Variants in NAALADL2 observed in about 807,000 individuals in gnomAD.
NAALADL2 encodes inactive N-acetylated-alpha-linked acidic dipeptidase-like protein 2.
NAALADL2 carries 76 observed loss-of-function variants against 87.2 expected under a neutral mutation model. That is an observed-to-expected ratio of 0.87 (90% CI 0.72 to 1.05). NAALADL2 has a LOEUF of 1.05. Among genes scored for constraint, NAALADL2 ranks in the 50% least tolerant of loss-of-function variants. The pLI, the probability that NAALADL2 is intolerant of heterozygous loss-of-function variation, is 0.00. For missense variants in NAALADL2, 1,089 were observed against 945.8 expected, an observed-to-expected ratio of 1.15 and a Z score of -1.99; for synonymous variants, 354 against 331.0, an observed-to-expected ratio of 1.07 and a Z score of -0.75.
At chr3:175,407,170 C>T (rs1036426638) in intron 5 of NAALADL2, among the ~76,000 whole-genome samples, 2 of 152,066 alleles carry the variant, frequency 1.3e-5, no homozygotes, top group African/African-American at 2.4e-5. Flanking sequence ...GGAGACAGAA[C>T]GAGACTCCAT....
intron 1 of NAALADL2, among the ~76,000 whole-genome samples, chr3:174,516,445 G>C (rs907078947): frequency 6.6e-6 from 1 of 151,950 alleles, no homozygotes; most frequent in Non-Finnish European, 1.5e-5. Context: ...TCTATTTGTA[G>C]ACGTTCCACT....
chr3:175,742,654 C>T (rs922098018), intron 12 of NAALADL2, among the ~76,000 whole-genome samples: 3 of 152,168 alleles, frequency 2.0e-5, no homozygotes, highest in Admixed American at 6.5e-5. Flanking sequence ...GCCTTGGCCT[C>T]CCAAAGTACT....
In NAALADL2 at chr3:175,276,756, T is replaced by G. The variant is rs114375632; in HGVS notation, c.939+20226T>G. On this transcript the variant is annotated intron_variant, in intron 4 of 13. Transcript: ENST00000454872. The stretch of plus-strand genomic sequence containing the variant: ...GTACATAGAAATAGAATGGTAAATA[T>G]ATACATTCTTATTTATTTTTTAAAT... 7.2e-3 allele frequency among the ~76,000 whole-genome samples: 1,098 copies of G among 152,310 alleles called. 11 individuals carry two copies. Among genetic ancestry groups the G allele is most frequent in the African/African-American group, 0.025 (1,053 of 41,572 alleles).
chr3:175,377,543 C>T lies in NAALADL2; in HGVS notation c.1090+53218C>T, dbSNP rs546714940. ...ATTCCTTTAATGTTATTGATGGGGA[C>T]GGGGGCAGAGAAATTCTAGGCAGAC... On this transcript the variant is annotated intron_variant, in intron 5 of 13. Coordinates refer to ENST00000454872, the MANE Select transcript of NAALADL2 (RefSeq NM_207015.3). Among the ~76,000 whole-genome samples, 17 of 152,198 alleles carry T rather than the reference C, an allele frequency of 1.1e-4. No individual in the cohort carries two copies. The South Asian group carries it at 1.2e-3, about 11-fold the overall frequency.
intron 2 of NAALADL2, among the ~76,000 whole-genome samples, chr3:174,714,013 A>C (rs1391951591): frequency 3.3e-5 from 5 of 151,998 alleles, no homozygotes; most frequent in African/African-American, 1.2e-4. Flanking sequence ...TCAGCTTTCT[A>C]CATATGGCTA....
At chr3:174,902,694 A>T (rs1490608567) in intron 1 of NAALADL2, among the ~76,000 whole-genome samples, 1 of 152,176 alleles carries the variant, frequency 6.6e-6, no homozygotes. Context: ...GTTACTGAAT[A>T]ATAACAAGTT....
At chr3:175,323,483 TATA>T (rs1205492520) in intron 4 of NAALADL2, among the ~76,000 whole-genome samples, 1 of 151,686 alleles carries the variant, frequency 6.6e-6, no homozygotes, top group Non-Finnish European at 1.5e-5. Context: ...AATCTTAAAG[TATA>T]ATAATAATAA....
chr3:174,891,796 C>T (rs1038160239), intron 1 of NAALADL2, among the ~76,000 whole-genome samples: 1 of 152,126 alleles, frequency 6.6e-6, no homozygotes, highest in Non-Finnish European at 1.5e-5. Context: ...CGGGGAAATA[C>T]ATGACATACT....
intron 2 of NAALADL2, among the ~76,000 whole-genome samples, chr3:175,107,761 A>AT (rs369404243): frequency 0.13 from 20,148 of 151,296 alleles, 1,410 homozygotes; most frequent in Middle Eastern, 0.2. Flanking sequence ...AAAATTTCAG[A>AT]TTTTTTTTAA....
chr3:174,824,578 A>G (rs987771108), intron 3 of NAALADL2, among the ~76,000 whole-genome samples: 2 of 152,216 alleles, frequency 1.3e-5, no homozygotes, highest in African/African-American at 2.4e-5. Context: ...ATGCATCCAC[A>G]TAAGTGATTT....
chr3:175,342,246 A>C (rs989216458), intron 5 of NAALADL2, among the ~76,000 whole-genome samples: 4 of 152,104 alleles, frequency 2.6e-5, no homozygotes, highest in African/African-American at 9.7e-5. Flanking sequence ...TATACATGTG[A>C]TAGGTTTCAG....
chr3:175,331,666 A>G (rs1761414985), intron 5 of NAALADL2, among the ~76,000 whole-genome samples: 1 of 152,202 alleles, frequency 6.6e-6, no homozygotes, highest in Non-Finnish European at 1.5e-5. Context: ...CTAAATGGGG[A>G]AAAGCCTTTC....
intron 3 of NAALADL2, among the ~76,000 whole-genome samples, chr3:174,738,255 G>A (rs968301275): frequency 1.3e-5 from 2 of 152,028 alleles, no homozygotes; most frequent in African/African-American, 4.8e-5. Flanking sequence ...CATACATTAT[G>A]GCTTAATACG....
At chr3:175,783,966 G>A (rs1560009076) in intron 13 of NAALADL2, among the ~76,000 whole-genome samples, 4 of 140,140 alleles carry the variant, frequency 2.9e-5, no homozygotes. Context: ...ATAATCATGT[G>A]GTTTTTGTCT....
At chr3:175,071,559 A>G (rs1310759776) in intron 1 of NAALADL2, among the ~76,000 whole-genome samples, 1 of 152,024 alleles carries the variant, frequency 6.6e-6, no homozygotes, top group Non-Finnish European at 1.5e-5. Context: ...ATAAAATATT[A>G]TATTTAAACA....
chr3:174,929,879 C>G (rs73047053), intron 1 of NAALADL2, among the ~76,000 whole-genome samples: 1 of 151,954 alleles, frequency 6.6e-6, no homozygotes, highest in Non-Finnish European at 1.5e-5. Flanking sequence ...AAAATAGTAC[C>G]TACCTCATAA....
intron 1 of NAALADL2, among the ~76,000 whole-genome samples, chr3:174,995,907 T>C (rs76551436): frequency 0.024 from 3,651 of 152,214 alleles, 138 homozygotes; most frequent in African/African-American, 0.083. Flanking sequence ...TGATTATTAC[T>C]AATGTATAAA....
At chr3:175,529,182 T>C (rs1733789771) in intron 9 of NAALADL2, among the ~76,000 whole-genome samples, 3 of 152,218 alleles carry the variant, frequency 2.0e-5, no homozygotes, top group Admixed American at 6.5e-5. Context: ...TGTTGTGAAG[T>C]AGTAGACTGA....
intron 1 of NAALADL2, among the ~76,000 whole-genome samples, chr3:174,872,287 C>T (rs990420952): frequency 2.0e-5 from 3 of 152,112 alleles, no homozygotes; most frequent in Admixed American, 6.6e-5. Flanking sequence ...TTAAGAGTCA[C>T]GTCCACCACA....
Sources: gnomAD v4.1 joint callset for allele counts (sites outside exome capture counted in the v4.1 genomes callset) on GRCh38, gnomAD v4.1.1 for gene constraint, MANE v1.5 for transcripts, NCBI Gene and HGNC (gene_info 2026-07-23, HGNC 2026-07-21) for gene names.